UNC80: variants seen among roughly 807,000 people sequenced by gnomAD.
UNC80 encodes protein unc-80 homolog.
In UNC80, 164 loss-of-function variants were observed where a neutral mutation model predicts 384.6. The observed-to-expected ratio is 0.43, with a 90% confidence interval of 0.38 to 0.49. UNC80 has a LOEUF of 0.49. UNC80 is among the 20% of genes least tolerant of loss of function. The probability of loss-of-function intolerance (pLI) is 0.00; values close to 1 mark genes in which losing one functional copy is unlikely to be tolerated. For synonymous variants in UNC80, 1,486 were observed against 1,527.8 expected (o/e 0.97, Z 0.64); for missense variants, 3,330 against 4,143.0 (o/e 0.80, Z 5.39).
rs149216866 is a variant in UNC80, at chr2:209,879,788, C to T, written c.3977-1173C>T. Among the ~76,000 whole-genome samples the T allele has an allele frequency of 5.6e-4, 86 of 152,230 alleles. 1 individual carries two copies. The highest frequency in any genetic ancestry group is 2.0e-3 in the African/African-American group (84 of 41,538). ...AGCAACTTTCGGGCTGGAAATTCTA[C>T]AGAAGCTTGTCTTTTCCATTCTTGA... On this transcript the variant is annotated intron_variant, in intron 24 of 64. Coordinates refer to ENST00000673920, the MANE Select transcript of UNC80 (RefSeq NM_001371986.1).
intron 51 of UNC80, among the ~76,000 whole-genome samples, chr2:209,963,209 TTC>T (rs2092647583): frequency 6.6e-6 from 1 of 152,196 alleles, no homozygotes; most frequent in Non-Finnish European, 1.5e-5. Flanking sequence ...CTCTCTCTTT[TTC>T]TCTCTCTTTC....
intron 32 of UNC80, 100 bp downstream of exon 32, chr2:209,918,058 T>G: frequency 8.9e-7 from 1 of 1,119,758 alleles, no homozygotes. Context: ...CCAAAGATAT[T>G]CTTCTTTTTT....
At chr2:209,831,737 T>A in intron 16 of UNC80, 146 bp downstream of exon 16, 1 of 925,382 alleles carries the variant, frequency 1.1e-6, no homozygotes, top group Non-Finnish European at 1.5e-6. Context: ...GTGTCACCAG[T>A]AAGTCATAAT....
rs77584629 is a variant in UNC80 at position 209,921,655 on chromosome 2, A to T, written c.5499A>T (p.Thr1833=). 6 of 1,551,294 alleles carry T rather than the reference A, an allele frequency of 3.9e-6. 1 individual carries two copies. Among genetic ancestry groups the T allele is most frequent in the Admixed American group, 3.9e-5 (2 of 50,936 alleles). The part of the protein sequence containing the change: ...PITQEACYEP[T]CTPNSEPEEE... ...CCCAGGAGGCTTGCTATGAGCCCACATGCACGCCCAACTCAGAACCGGAAG... is the reference window on the plus strand; with the variant it reads ...CCCAGGAGGCTTGCTATGAGCCCACTTGCACGCCCAACTCAGAACCGGAAG... Residue 1833 remains threonine, a synonymous_variant, in exon 34 of 65, where the codon ACA becomes ACT. Transcript: ENST00000673920.
At chr2:209,893,880 C>T (rs553436272) in intron 26 of UNC80, among the ~76,000 whole-genome samples, 1 of 152,180 alleles carries the variant, frequency 6.6e-6, no homozygotes, top group South Asian at 2.1e-4. Context: ...ACTAATAGTC[C>T]TAGTTGATGC....
chr2:209,989,574 T>G (rs891372446), intron 61 of UNC80, among the ~76,000 whole-genome samples: 2 of 152,192 alleles, frequency 1.3e-5, no homozygotes, highest in African/African-American at 4.8e-5. Context: ...ATAATTTTGA[T>G]TACTGCAGTT....
At chr2:209,801,377 C>CTTTTT (rs35079056) in intron 7 of UNC80, among the ~76,000 whole-genome samples, 12 of 65,972 alleles carry the variant, frequency 1.8e-4, no homozygotes, top group Admixed American at 4.8e-4. Flanking sequence ...GCAACCCCTG[C>CTTTTT]TTTTTTTTTT....
intron 7 of UNC80, among the ~76,000 whole-genome samples, chr2:209,797,485 C>T (rs569067811): frequency 6.6e-6 from 1 of 152,272 alleles, no homozygotes; most frequent in South Asian, 2.1e-4. Flanking sequence ...CATCCATGTC[C>T]CTGCAAAGCA....
intron 22 of UNC80, among the ~76,000 whole-genome samples, chr2:209,867,804 C>G (rs2083962326): frequency 6.6e-6 from 1 of 152,114 alleles, no homozygotes; most frequent in Non-Finnish European, 1.5e-5. Flanking sequence ...TTTCTACTCT[C>G]CAGTTGTCTT....
In UNC80 at chr2:209,973,239, G is replaced by A; in HGVS notation, c.8556G>A (p.Leu2852=). 6.4e-7 allele frequency: 1 copy of A among 1,551,620 alleles called. No homozygotes were observed. Among genetic ancestry groups the A allele is most frequent in the Middle Eastern group, 1.7e-4 (1 of 5,992 alleles). Residue 2852 remains leucine, a synonymous_variant, in exon 56 of 65, where the codon CTG becomes CTA. Transcript: ENST00000673920. ...DAGKDLRREG[L]AESTSQAAYL... is the part of the protein sequence containing the mutation. ...GGAAAGACTTGCGCAGGGAAGGGCT[G>A]GCTGAGTCCACCAGCCAAGCAGCAT... is the stretch of plus-strand genomic sequence containing the variant.
chr2:209,861,605 A>C (rs2083346383), intron 22 of UNC80, among the ~76,000 whole-genome samples: 1 of 152,200 alleles, frequency 6.6e-6, no homozygotes, highest in Non-Finnish European at 1.5e-5. Flanking sequence ...TTTCAGAAGA[A>C]ATGGTACCAG....
chr2:209,823,984 C>A (rs1173433564), intron 13 of UNC80, among the ~76,000 whole-genome samples: 2 of 152,054 alleles, frequency 1.3e-5, no homozygotes, highest in Non-Finnish European at 2.9e-5. Flanking sequence ...AGATAAAATG[C>A]AGTCAAAACT....
Position 209,925,182 on chromosome 2 carries a change from C to T in UNC80, c.5663-1661C>T, listed in dbSNP as rs181436853. Among the ~76,000 whole-genome samples, 183 of 151,934 alleles carry T rather than the reference C, an allele frequency of 1.2e-3. 1 individual carries two copies. Among genetic ancestry groups the T allele is most frequent in the Non-Finnish European group, 2.0e-3 (137 of 67,976 alleles). Reference sequence around the variant, plus strand: ...AAAGCTCCGAAAAAAGTGTATTTCACAGTATTCTCATTGCTTTTACGGAAG... The same window carrying T: ...AAAGCTCCGAAAAAAGTGTATTTCATAGTATTCTCATTGCTTTTACGGAAG... On this transcript the variant is annotated intron_variant, in intron 35 of 64. Coordinates refer to ENST00000673920, the MANE Select transcript of UNC80 (RefSeq NM_001371986.1).
At chr2:209,850,790 T>C (rs1033860554) in intron 22 of UNC80, among the ~76,000 whole-genome samples, 1 of 152,074 alleles carries the variant, frequency 6.6e-6, no homozygotes, top group African/African-American at 2.4e-5. Context: ...ATCACAGGTC[T>C]CCAGGAGAGC....
intron 22 of UNC80, among the ~76,000 whole-genome samples, chr2:209,866,547 G>C (rs1193022175): frequency 4.8e-5 from 7 of 146,090 alleles, no homozygotes; most frequent in South Asian, 2.1e-4. Context: ...GAGAGAGAGA[G>C]AGAGAGAGAG....
intron 18 of UNC80, among the ~76,000 whole-genome samples, chr2:209,837,846 A>T (rs903520536): frequency 4.7e-5 from 7 of 148,368 alleles, no homozygotes; most frequent in Non-Finnish European, 7.4e-5. Context: ...ATCTCGGCTC[A>T]CTGCAAGCTC....
chr2:209,869,115 T>G (rs2084080117), intron 22 of UNC80: 2 of 152,242 alleles, frequency 1.3e-5, no homozygotes, highest in African/African-American at 4.8e-5. Flanking sequence ...CTATGCGGCA[T>G]TCTTCTGATT....
chr2:209,809,026 G>C (rs924817134), intron 7 of UNC80: 3 of 380,506 alleles, frequency 7.9e-6, no homozygotes, highest in Non-Finnish European at 1.5e-5. Flanking sequence ...ACTCCCCCAA[G>C]AGAGTTTCAA....
At chr2:209,816,711 A>G (rs75655654) in intron 9 of UNC80, among the ~76,000 whole-genome samples, 198 bp from the exon 10 acceptor site, 1,825 of 152,280 alleles carry the variant, frequency 0.012, 40 homozygotes, top group African/African-American at 0.04. Context: ...CACGGAATAC[A>G]TGGCCTTTTA....
Sources: gnomAD v4.1 joint callset for allele counts (sites outside exome capture counted in the v4.1 genomes callset) on GRCh38, gnomAD v4.1.1 for gene constraint, MANE v1.5 for transcripts, NCBI Gene and HGNC (gene_info 2026-07-23, HGNC 2026-07-21) for gene names.